The following NGLY1 variants were observed in gnomAD, a reference collection of about 807,000 sequenced individuals.
The protein encoded by NGLY1 is N-glycanase 1.
NGLY1 carries 68 observed loss-of-function variants against 84.6 expected under a neutral mutation model. The observed-to-expected ratio is 0.80, with a 90% CI of 0.66 to 0.98. NGLY1 has a LOEUF of 0.98. Among genes scored for constraint, NGLY1 ranks in the 50% least tolerant of loss-of-function variants. NGLY1 has a pLI of 0.00. For missense variants in NGLY1, 779 were observed against 770.2 expected, an observed-to-expected ratio of 1.01 and a Z score of -0.14; for synonymous variants, 280 against 275.2, an observed-to-expected ratio of 1.02 and a Z score of -0.17.
chr3:25,764,562 T>A (rs1270128972), intron 2 of NGLY1, among the ~76,000 whole-genome samples: 1 of 152,182 alleles, frequency 6.6e-6, no homozygotes, highest in East Asian at 1.9e-4. Context: ...TTAATGTGGT[T>A]CAAAGGACTT....
At chr3:25,738,549 T>C (rs1454255139) in intron 5 of NGLY1, among the ~76,000 whole-genome samples, 1 of 152,164 alleles carries the variant, frequency 6.6e-6, no homozygotes, top group Non-Finnish European at 1.5e-5. Flanking sequence ...GGCTCTGCGA[T>C]GACAAGTCTG....
chr3:25,744,045 C>T (rs576668886), intron 4 of NGLY1, among the ~76,000 whole-genome samples: 81 of 152,222 alleles, frequency 5.3e-4, no homozygotes, highest in Non-Finnish European at 9.7e-4. Context: ...TCTAAAGTTA[C>T]CATCTTCAAA....
At chr3:25,749,472 TCTC>T (rs1706613074) in intron 4 of NGLY1, 2 of 1,393,472 alleles carry the variant, frequency 1.4e-6, no homozygotes, top group Middle Eastern at 1.8e-4. Context: ...GTGGCAGCCA[TCTC>T]CTCTTCGGCC....
At chr3:25,722,274 C>CATAT (rs1553650650) in intron 10 of NGLY1, among the ~76,000 whole-genome samples, 295 of 148,610 alleles carry the variant, frequency 2.0e-3, no homozygotes, top group African/African-American at 6.4e-3. Context: ...TGTATACACA[C>CATAT]ATATATATAT....
chr3:25,720,305 T>A, intron 10 of NGLY1, 114 bp from the exon 11 acceptor site: 1 of 787,780 alleles, frequency 1.3e-6, no homozygotes, highest in Non-Finnish European at 1.9e-6. Context: ...AGTGGTTATT[T>A]AAAAACTAAC....
intron 2 of NGLY1, chr3:25,777,700 C>T (rs1376776297): frequency 6.6e-6 from 1 of 152,146 alleles, no homozygotes; most frequent in Non-Finnish European, 1.5e-5. Context: ...TATTCTATTA[C>T]CTGGTCTTAT....
At chr3:25,790,008 G>A (rs1708690896) in exon 1 of NGLY1, 2 of 1,044,380 alleles carry the variant, frequency 1.9e-6, no homozygotes, top group Middle Eastern at 2.8e-4. Context: ...CCGGCGGAAA[G>A]AGAGTCGAAC....
intron 7 of NGLY1, chr3:25,734,688 G>C: frequency 4.4e-6 from 3 of 683,418 alleles, no homozygotes; most frequent in Non-Finnish European, 5.4e-6. Context: ...CTCCAGCCTG[G>C]GCAAGAGGGT....
At chr3:25,744,497 G>C (rs1229234329) in intron 4 of NGLY1, among the ~76,000 whole-genome samples, 1 of 152,194 alleles carries the variant, frequency 6.6e-6, no homozygotes, top group Non-Finnish European at 1.5e-5. Flanking sequence ...CTGCACTAAT[G>C]AAAGAAAATC....
chr3:25,776,066 G>C (rs976879982), intron 2 of NGLY1, among the ~76,000 whole-genome samples: 1 of 152,156 alleles, frequency 6.6e-6, no homozygotes, highest in South Asian at 2.1e-4. Flanking sequence ...GTCTAAAGCC[G>C]AACAGAAACT....
intron 1 of NGLY1, 74 bp from the exon 2 acceptor site, chr3:25,778,762 A>C: frequency 2.5e-6 from 2 of 815,768 alleles, no homozygotes; most frequent in Non-Finnish European, 2.0e-6. Flanking sequence ...TACTTTCAAC[A>C]AACATGACCT....
chr3:25,784,848 C>A (rs1265924264), upstream of NGLY1, among the ~76,000 whole-genome samples: 1 of 152,160 alleles, frequency 6.6e-6, no homozygotes, highest in African/African-American at 2.4e-5. Context: ...CTAAAATTTT[C>A]AGGGGCTTAA....
At chr3:25,751,354 A>T in intron 3 of NGLY1, 91 bp from the exon 4 acceptor site, 2 of 1,085,000 alleles carry the variant, frequency 1.8e-6, no homozygotes, top group Non-Finnish European at 2.5e-6. Flanking sequence ...ATGATTTTAC[A>T]GATAGAAGGG....
intron 2 of NGLY1, among the ~76,000 whole-genome samples, chr3:25,768,302 T>C (rs1174816189): frequency 6.6e-6 from 1 of 151,406 alleles, no homozygotes; most frequent in Non-Finnish European, 1.5e-5. Flanking sequence ...GGCGGACACC[T>C]GTAATCCCAG....
Position 25,755,152 on chromosome 3 carries a change from G to T in NGLY1, c.493-3889C>A, listed in dbSNP as rs993364258. 1.8e-5 allele frequency: 23 copies of T among 1,257,482 alleles called. No homozygotes were observed. In the African/African-American group the frequency reaches 3.2e-4, roughly 18 times the overall value. 77.9% of individuals were successfully genotyped at this position (1,257,482 alleles called of 1,614,324 possible). A position where few individuals can be genotyped will look rare whatever the true frequency, so the allele number is the denominator to read the frequency against. On this transcript the variant is annotated intron_variant, in intron 3 of 11. Coordinates refer to ENST00000280700, the MANE Select transcript of NGLY1 (RefSeq NM_018297.4). ...CAGATGATGTGAGACTGGCAATCCA[G>T]TGTCGTGCTGATCTTTTTACCTCTC...
intron 3 of NGLY1, chr3:25,755,062 T>C: frequency 2.1e-6 from 3 of 1,404,526 alleles, no homozygotes; most frequent in Non-Finnish European, 3.0e-6. Context: ...CTTTCCGAAA[T>C]GTGACTACAA....
chr3:25,779,638 A>T lies in NGLY1; in HGVS notation c.132-950T>A, dbSNP rs139640700. On this transcript the variant is annotated intron_variant, in intron 1 of 11. Coordinates refer to ENST00000280700, the MANE Select transcript of NGLY1 (RefSeq NM_018297.4). ...ATATGGTGAGTAGGCAAATGCTAGCAAATGACTTATCAACTTTGTCCTATC... is the reference window on the plus strand; with the variant it reads ...ATATGGTGAGTAGGCAAATGCTAGCTAATGACTTATCAACTTTGTCCTATC... Among the ~76,000 whole-genome samples the T allele has an allele frequency of 2.0e-3, 299 of 151,702 alleles. 2 individuals carry two copies. Among genetic ancestry groups the T allele is most frequent in the South Asian group, 7.7e-3 (37 of 4,800 alleles).
chr3:25,773,937 A>G (rs1427894598), intron 2 of NGLY1, among the ~76,000 whole-genome samples: 1 of 152,154 alleles, frequency 6.6e-6, no homozygotes, highest in African/African-American at 2.4e-5. Flanking sequence ...CTGGTATTAG[A>G]GAGTGTCTGC....
chr3:25,739,116 A>G (rs1356547517), intron 5 of NGLY1, among the ~76,000 whole-genome samples: 2 of 152,212 alleles, frequency 1.3e-5, no homozygotes, highest in African/African-American at 4.8e-5. Flanking sequence ...ATAATATGGA[A>G]GGTAAAAGTA....
Sources: gnomAD v4.1 joint callset for allele counts (sites outside exome capture counted in the v4.1 genomes callset) on GRCh38, gnomAD v4.1.1 for gene constraint, MANE v1.5 for transcripts, NCBI Gene and HGNC (gene_info 2026-07-23, HGNC 2026-07-21) for gene names.